Variants in NAALADL2 observed in about 807,000 individuals in gnomAD.
NAALADL2 encodes N-acetylated alpha-linked acidic dipeptidase like 2, also known as inactive N-acetylated-alpha-linked acidic dipeptidase-like protein 2.
Under a neutral mutation model 87.2 loss-of-function variants are expected in NAALADL2, and 76 were observed. That is an observed-to-expected ratio of 0.87 (90% CI 0.72 to 1.05). The LOEUF (loss-of-function observed/expected upper bound fraction) is 1.05. NAALADL2 is among the 50% of genes least tolerant of loss of function. The probability of loss-of-function intolerance (pLI) is 0.00; values close to 1 mark genes in which losing one functional copy is unlikely to be tolerated. For synonymous variants in NAALADL2, 354 were observed against 331.0 expected (o/e 1.07, Z -0.75); for missense variants, 1,089 against 945.8 (o/e 1.15, Z -1.99).
chr3:175,081,903 G>A (rs376772087), intron 1 of NAALADL2, among the ~76,000 whole-genome samples: 46 of 152,182 alleles, frequency 3.0e-4, no homozygotes, highest in African/African-American at 1.0e-3. Context: ...AATCTTAAAG[G>A]CAATGATGAT....
chr3:175,354,482 T>C (rs1764121672), intron 5 of NAALADL2, among the ~76,000 whole-genome samples: 1 of 152,172 alleles, frequency 6.6e-6, no homozygotes, highest in Admixed American at 6.5e-5. Flanking sequence ...AATCTTGTCA[T>C]ATTCGCATGT....
chr3:175,064,783 A>G (rs547173837), intron 1 of NAALADL2, among the ~76,000 whole-genome samples: 1 of 152,166 alleles, frequency 6.6e-6, no homozygotes, highest in Admixed American at 6.5e-5. Context: ...GCTGATCTGG[A>G]GGGGCCAGTG....
chr3:174,638,225 CTTCA>C (rs1387607480), intron 2 of NAALADL2, among the ~76,000 whole-genome samples: 9 of 152,062 alleles, frequency 5.9e-5, no homozygotes, highest in African/African-American at 2.2e-4. Flanking sequence ...TCTGCATGGC[CTTCA>C]TTCAGTAGGT....
intron 4 of NAALADL2, among the ~76,000 whole-genome samples, chr3:175,261,323 C>A (rs898161100): frequency 6.6e-6 from 1 of 151,964 alleles, no homozygotes; most frequent in Non-Finnish European, 1.5e-5. Flanking sequence ...ATTTGACTTT[C>A]TACTTAGGGT....
chr3:175,259,935 C>T (rs772276849), intron 4 of NAALADL2, among the ~76,000 whole-genome samples: 14 of 151,698 alleles, frequency 9.2e-5, no homozygotes, highest in African/African-American at 2.2e-4. Flanking sequence ...GACTGAGGCA[C>T]GAGCATCGCT....
intron 3 of NAALADL2, among the ~76,000 whole-genome samples, chr3:174,753,450 C>T (rs1711535468): frequency 6.6e-6 from 1 of 152,160 alleles, no homozygotes; most frequent in African/African-American, 2.4e-5. Flanking sequence ...TTTTGAACGT[C>T]CTTACTCTTT....
At chr3:174,745,591 T>C (rs574816090) in intron 3 of NAALADL2, among the ~76,000 whole-genome samples, 1 of 152,188 alleles carries the variant, frequency 6.6e-6, no homozygotes, top group Admixed American at 6.5e-5. Flanking sequence ...TATCTTATGA[T>C]GGCAGCAGCA....
At chr3:174,685,297 A>T (rs1727928165) in intron 2 of NAALADL2, among the ~76,000 whole-genome samples, 1 of 152,066 alleles carries the variant, frequency 6.6e-6, no homozygotes, top group Admixed American at 6.6e-5. Flanking sequence ...GCCCAGGCCC[A>T]AATCTCATCA....
chr3:175,544,935 G>T (rs1582335468), intron 9 of NAALADL2, among the ~76,000 whole-genome samples: 2 of 152,206 alleles, frequency 1.3e-5, no homozygotes, highest in South Asian at 2.1e-4. Flanking sequence ...TCTTTCCAAT[G>T]AAATTAATAC....
intron 3 of NAALADL2, among the ~76,000 whole-genome samples, chr3:174,853,494 A>AG (rs1268541267): frequency 2.0e-5 from 3 of 152,018 alleles, no homozygotes; most frequent in African/African-American, 7.2e-5. Flanking sequence ...CATGACTAAA[A>AG]CCTCAAAAGC....
intron 11 of NAALADL2, among the ~76,000 whole-genome samples, chr3:175,640,795 C>G (rs546346750): frequency 6.6e-6 from 1 of 151,998 alleles, no homozygotes; most frequent in African/African-American, 2.4e-5. Flanking sequence ...GTGTTGTATA[C>G]GAGTTTTTAT....
chr3:175,412,337 G>A (rs1713691731), intron 5 of NAALADL2, among the ~76,000 whole-genome samples: 1 of 152,276 alleles, frequency 6.6e-6, no homozygotes, highest in African/African-American at 2.4e-5. Flanking sequence ...AAAGAAGCAA[G>A]CATTTAATGG....
intron 4 of NAALADL2, among the ~76,000 whole-genome samples, chr3:175,259,033 G>A (rs1049938072): frequency 6.6e-6 from 1 of 152,130 alleles, no homozygotes; most frequent in African/African-American, 2.4e-5. Context: ...GATTAAAGCG[G>A]CATTTGTCTA....
At position 174,542,378 on chromosome 3, in the gene NAALADL2, G is replaced by T. The variant is rs111979387; in HGVS notation, c.-183-8191G>T. Among the ~76,000 whole-genome samples the T allele has an allele frequency of 2.2e-3, 340 of 152,258 alleles. 5 individuals carry two copies. The highest frequency in any genetic ancestry group is 8.0e-3 in the African/African-American group (334 of 41,556). ...CTTATGGGCATGGACTCTGCTTAGT[G>T]TTGGAAGAGCAAACATCTCTGGATG... On this transcript the variant is annotated intron_variant, in intron 1 of 3. Coordinates refer to the NAALADL2 transcript ENST00000434257.
At chr3:174,562,070 A>C (rs1713687788) in intron 2 of NAALADL2, among the ~76,000 whole-genome samples, 1 of 152,186 alleles carries the variant, frequency 6.6e-6, no homozygotes, top group Admixed American at 6.5e-5. Context: ...GATGCATTTT[A>C]GTGAATACAG....
At chr3:175,390,028 A>C (rs1215272257) in intron 5 of NAALADL2, among the ~76,000 whole-genome samples, 3 of 152,190 alleles carry the variant, frequency 2.0e-5, no homozygotes. Flanking sequence ...ATAAGGAATA[A>C]GATTTATTGT....
At chr3:175,524,311 C>G (rs1002392359) in intron 9 of NAALADL2, among the ~76,000 whole-genome samples, 1 of 152,110 alleles carries the variant, frequency 6.6e-6, no homozygotes, top group African/African-American at 2.4e-5. Flanking sequence ...TTATCTAGAG[C>G]AAGGTTTCTA....
chr3:175,060,758 A>G (rs551952111), intron 1 of NAALADL2, among the ~76,000 whole-genome samples: 13 of 152,290 alleles, frequency 8.5e-5, no homozygotes, highest in South Asian at 8.3e-4. Context: ...TTATAAAGAA[A>G]TTCTTCATTC....
At chr3:174,651,009 C>T (rs554721320) in intron 2 of NAALADL2, among the ~76,000 whole-genome samples, 87 of 152,128 alleles carry the variant, frequency 5.7e-4, no homozygotes, top group African/African-American at 2.0e-3. Context: ...TTTAATATCT[C>T]GGGTGTTCCT....
Sources: allele counts gnomAD v4.1 joint callset (sites outside exome capture counted in the v4.1 genomes callset), GRCh38; gene constraint gnomAD v4.1.1; transcripts MANE v1.5; gene names NCBI Gene and HGNC (gene_info 2026-07-23, HGNC 2026-07-21).